The following ARHGAP25 variants were observed in gnomAD, a reference collection of about 807,000 sequenced individuals.
ARHGAP25 encodes Rho GTPase activating protein 25, also known as rho GTPase-activating protein 25.
In ARHGAP25, 34 loss-of-function variants were observed where a neutral mutation model predicts 71.0. The ratio of observed to expected loss-of-function variants is 0.48; its 90% CI spans 0.36 to 0.64. The LOEUF (loss-of-function observed/expected upper bound fraction) is 0.64. ARHGAP25 is among the 30% of genes least tolerant of loss of function. ARHGAP25 has a pLI of 0.00. For missense variants in ARHGAP25, 706 were observed against 805.1 expected (o/e 0.88, Z 1.49); for synonymous variants, 282 against 296.5 (o/e 0.95, Z 0.50).
At chr2:68,755,299 C>T (rs1328539393) in intron 1 of ARHGAP25, among the ~76,000 whole-genome samples, 2 of 152,154 alleles carry the variant, frequency 1.3e-5, no homozygotes, top group East Asian at 3.9e-4. Flanking sequence ...TCTCAACCCT[C>T]CTTTTCCAGG....
chr2:68,775,676 C>T (rs1412409313), intron 2 of ARHGAP25: 1 of 637,480 alleles, frequency 1.6e-6, no homozygotes, highest in East Asian at 3.4e-5. Flanking sequence ...AGACTGGCAA[C>T]AGGGCGGTGA....
At chr2:68,809,028 G>A (rs998763429) in intron 5 of ARHGAP25, among the ~76,000 whole-genome samples, 9 of 152,116 alleles carry the variant, frequency 5.9e-5, no homozygotes, top group East Asian at 1.9e-4. Flanking sequence ...CAGGGGCTTC[G>A]CAGGGGCAAC....
In ARHGAP25 at chr2:68,817,765, T is replaced by C; in HGVS notation, c.882-108T>C. 5 of 1,374,784 alleles carry C rather than the reference T, an allele frequency of 3.6e-6. No individual in the cohort carries two copies. In the Admixed American group the frequency reaches 9.7e-5, roughly 27 times the overall value. The allele number at this position is 1,374,784 out of a possible 1,614,324, so 85.2% of individuals were successfully genotyped here. ...AGAGCAGGCTGGTCTCATTCCTGAG[T>C]CTGGGAGGAAAGCATTGGATCCATC... is the stretch of plus-strand genomic sequence containing the variant. On this transcript the variant is annotated intron_variant, in intron 7 of 10. Transcript: ENST00000409202.
intron 4 of ARHGAP25, among the ~76,000 whole-genome samples, chr2:68,807,068 A>G (rs1680426111): frequency 6.6e-6 from 1 of 152,250 alleles, no homozygotes; most frequent in Non-Finnish European, 1.5e-5. Flanking sequence ...ATGTGGGTCA[A>G]TATAAAAAGA....
rs544193054 is a variant in ARHGAP25, at chr2:68,787,976, T to C, written c.466+20T>C. The stretch of plus-strand genomic sequence containing the variant: ...GTGGAGGTAAGGACCCCTGCAGGCT[T>C]TCCTGGGCAGGTGCCTATGACATCT... On this transcript the variant is annotated intron_variant, in intron 4 of 10. Coordinates refer to ENST00000409202, the MANE Select transcript of ARHGAP25 (RefSeq NM_001007231.3). 86 of 1,595,174 alleles carry C rather than the reference T, an allele frequency of 5.4e-5. No homozygotes were observed. In the South Asian group the frequency reaches 9.1e-4, roughly 17 times the overall value.
intron 5 of ARHGAP25, 135 bp from the exon 6 acceptor site, chr2:68,813,152 T>C (rs1680954479): frequency 1.1e-6 from 1 of 945,080 alleles, no homozygotes; most frequent in East Asian, 2.9e-5. Flanking sequence ...GATTCTTCTT[T>C]ATCAGACTAC....
intron 1 of ARHGAP25, among the ~76,000 whole-genome samples, chr2:68,750,552 C>T (rs947598584): frequency 1.3e-5 from 2 of 152,124 alleles, no homozygotes; most frequent in African/African-American, 4.8e-5. Context: ...AACTCCTGAC[C>T]TCAGGTGATC....
chr2:68,804,967 G>A (rs928845097), intron 4 of ARHGAP25, among the ~76,000 whole-genome samples: 17 of 152,176 alleles, frequency 1.1e-4, no homozygotes, highest in African/African-American at 4.1e-4. Flanking sequence ...TACAAATCAT[G>A]ATCACAGAGT....
chr2:68,729,588 A>G (rs1323139528), intron 2 of ARHGAP25, among the ~76,000 whole-genome samples: 1 of 152,256 alleles, frequency 6.6e-6, no homozygotes, highest in Non-Finnish European at 1.5e-5. Flanking sequence ...TAAAAAAAGT[A>G]TTTGCTTATT....
At chr2:68,773,284 AT>A (rs1322143962) in intron 1 of ARHGAP25, among the ~76,000 whole-genome samples, 1 of 152,260 alleles carries the variant, frequency 6.6e-6, no homozygotes, top group Non-Finnish European at 1.5e-5. Context: ...ATAAATAAAG[AT>A]TGAGAATCAC....
At chr2:68,713,984 A>T in intron 2 of ARHGAP25, among the ~76,000 whole-genome samples, 2 of 152,220 alleles carry the variant, frequency 1.3e-5, no homozygotes, top group Non-Finnish European at 2.9e-5. Context: ...TGGTATCAGG[A>T]TGATGCTAGC....
intron 1 of ARHGAP25, among the ~76,000 whole-genome samples, chr2:68,770,410 T>C (rs147294141): frequency 4.1e-4 from 62 of 152,314 alleles, no homozygotes; most frequent in Middle Eastern, 3.4e-3. Context: ...TTTCCCCAGC[T>C]CTGAAAGAAC....
At chr2:68,745,914 G>A (rs923756578) in intron 1 of ARHGAP25, among the ~76,000 whole-genome samples, 6 of 152,142 alleles carry the variant, frequency 3.9e-5, no homozygotes, top group Admixed American at 6.5e-5. Flanking sequence ...GAGGAGTGCC[G>A]TGACCTCACA....
At chr2:68,787,747 A>G in intron 3 of ARHGAP25, 93 bp from the exon 4 acceptor site, 3 of 986,010 alleles carry the variant, frequency 3.0e-6, no homozygotes, top group Non-Finnish European at 4.9e-6. Flanking sequence ...TCATTGAACC[A>G]AGACATCAAT....
intron 4 of ARHGAP25, among the ~76,000 whole-genome samples, chr2:68,801,914 A>C (rs940677805): frequency 2.6e-5 from 4 of 152,178 alleles, no homozygotes; most frequent in Non-Finnish European, 5.9e-5. Flanking sequence ...TTTAAAAGCA[A>C]AAACCATTTT....
chr2:68,747,137 T>C (rs1675880528), intron 1 of ARHGAP25, among the ~76,000 whole-genome samples: 2 of 151,260 alleles, frequency 1.3e-5, no homozygotes, highest in Admixed American at 6.6e-5. Flanking sequence ...CTCGTCTTAC[T>C]CAACTGTCCT....
intron 4 of ARHGAP25, among the ~76,000 whole-genome samples, chr2:68,793,808 A>G (rs1262284735): frequency 2.0e-5 from 3 of 152,080 alleles, no homozygotes; most frequent in African/African-American, 7.2e-5. Context: ...AGTTCTGTGA[A>G]GAAATGACGT....
At chr2:68,779,452 T>C (rs903568008) in intron 2 of ARHGAP25, among the ~76,000 whole-genome samples, 3 of 152,228 alleles carry the variant, frequency 2.0e-5, no homozygotes, top group African/African-American at 4.8e-5. Context: ...TGTAAGCTTA[T>C]AGAATTTAAA....
In ARHGAP25 at chr2:68,780,936, C is replaced by T. The variant is rs74852504; in HGVS notation, c.262-1297C>T. On this transcript the variant is annotated intron_variant, in intron 2 of 10. Coordinates refer to ENST00000409202, the MANE Select transcript of ARHGAP25 (RefSeq NM_001007231.3). ...CAGGCCTGCTACCTTCAACAGCCAG[C>T]GAGGTGTAAATTATGAATAACTAGA... 5.9e-5 allele frequency among the ~76,000 whole-genome samples: 9 copies of T among 152,210 alleles called. 1 individual carries two copies. The East Asian group carries it at 1.7e-3, about 29-fold the overall frequency.
Sources: gnomAD v4.1 joint callset for allele counts (sites outside exome capture counted in the v4.1 genomes callset) on GRCh38, gnomAD v4.1.1 for gene constraint, MANE v1.5 for transcripts, NCBI Gene and HGNC (gene_info 2026-07-23, HGNC 2026-07-21) for gene names.